Variants in TSHZ3 observed in about 807,000 individuals in gnomAD.
The protein encoded by TSHZ3 is teashirt homolog 3.
A neutral mutation model predicts 64.5 loss-of-function variants in TSHZ3; 10 were observed. The observed-to-expected ratio is 0.16, with a 90% CI of 0.10 to 0.26. TSHZ3 has a LOEUF of 0.26. TSHZ3 is among the 10% of genes least tolerant of loss of function. TSHZ3 has a pLI of 1.00. For missense variants in TSHZ3, 1,242 were observed against 1,421.7 expected, an observed-to-expected ratio of 0.87 and a Z score of 2.03; for synonymous variants, 608 against 593.1, an observed-to-expected ratio of 1.03 and a Z score of -0.36.
intron 1 of TSHZ3, among the ~76,000 whole-genome samples, chr19:31,310,579 A>C (rs1568377077): frequency 6.6e-6 from 1 of 152,138 alleles, no homozygotes. Context: ...CAGGCACAGA[A>C]TTCAGAATGA....
intron 1 of TSHZ3, among the ~76,000 whole-genome samples, chr19:31,261,271 C>T (rs1975980395): frequency 6.6e-6 from 1 of 152,196 alleles, no homozygotes; most frequent in South Asian, 2.1e-4. Flanking sequence ...AAAGGAGCAT[C>T]TTCAGAACTC....
chr19:31,199,490 T>C (rs1975044573), intron 5 of TSHZ3, among the ~76,000 whole-genome samples: 1 of 148,838 alleles, frequency 6.7e-6, no homozygotes, highest in Non-Finnish European at 1.5e-5. Flanking sequence ...TAATAAATAA[T>C]CTTTTCACAA....
chr19:31,154,992 C>A (rs1974287464), intron 6 of TSHZ3, among the ~76,000 whole-genome samples: 1 of 152,224 alleles, frequency 6.6e-6, no homozygotes, highest in South Asian at 2.1e-4. Context: ...AGGGGACACC[C>A]CTTGCCTCTG....
At chr19:31,226,164 C>G (rs565831193) in intron 4 of TSHZ3, among the ~76,000 whole-genome samples, 1 of 151,898 alleles carries the variant, frequency 6.6e-6, no homozygotes, top group Non-Finnish European at 1.5e-5. Flanking sequence ...ATGATGCTGT[C>G]CCCAATTCCT....
intron 1 of TSHZ3, among the ~76,000 whole-genome samples, chr19:31,248,630 A>AAAT (rs1306099045): frequency 6.6e-6 from 1 of 151,498 alleles, no homozygotes; most frequent in African/African-American, 2.4e-5. Context: ...AAAAAAAAAA[A>AAAT]AGTTTAAAAG....
At chr19:31,216,514 T>C (rs912484318) in intron 4 of TSHZ3, among the ~76,000 whole-genome samples, 7 of 151,608 alleles carry the variant, frequency 4.6e-5, no homozygotes, top group Non-Finnish European at 8.8e-5. Context: ...AGTGGTGCAA[T>C]CTCAGCTCAC....
intron 1 of TSHZ3, among the ~76,000 whole-genome samples, chr19:31,336,799 GAACTTTGTGTCAAGCCCTTCAAGCA>G (rs1917258386): frequency 6.6e-6 from 1 of 152,146 alleles, no homozygotes; most frequent in Non-Finnish European, 1.5e-5. Flanking sequence ...CAAAAAGTTA[GAACTTTGTGTCAAGCCCTTCAAGCA>G]AACAATAAAT....
rs190847098 is a variant in TSHZ3 at position 31,231,647 on chromosome 19, C to A, written n.551-3507G>T. On this transcript the variant is annotated intron_variant and non_coding_transcript_variant, in intron 3 of 6. Transcript: ENST00000651361. ...TGATTTATAAAACTTGCCTGTAAATCTTCCCAGCAAAGTTTTGATTCAGAA... is the reference window on the plus strand; with the variant it reads ...TGATTTATAAAACTTGCCTGTAAATATTCCCAGCAAAGTTTTGATTCAGAA... Among the ~76,000 whole-genome samples the A allele has an allele frequency of 1.4e-3, 213 of 152,254 alleles. 1 individual carries two copies. The highest frequency in any genetic ancestry group is 4.8e-3 in the African/African-American group (200 of 41,548).
At chr19:31,244,025 T>C (rs1323796768) in intron 1 of TSHZ3, among the ~76,000 whole-genome samples, 1 of 152,158 alleles carries the variant, frequency 6.6e-6, no homozygotes, top group African/African-American at 2.4e-5. Flanking sequence ...CATTTTTAGG[T>C]CTGTGTTCCA....
At chr19:31,284,484 G>C (rs972897947) in intron 1 of TSHZ3, among the ~76,000 whole-genome samples, 1 of 152,064 alleles carries the variant, frequency 6.6e-6, no homozygotes, top group African/African-American at 2.4e-5. Flanking sequence ...ATTCCTCAAA[G>C]CAGCCCTGAA....
chr19:31,319,520 C>A (rs1449726584), intron 1 of TSHZ3, among the ~76,000 whole-genome samples: 1 of 152,118 alleles, frequency 6.6e-6, no homozygotes, highest in Non-Finnish European at 1.5e-5. Flanking sequence ...CAAAACCCAG[C>A]CACAACCTGG....
chr19:31,320,929 CG>C lies in TSHZ3; in HGVS notation c.40+28250del, dbSNP rs1241859176. Among the ~76,000 whole-genome samples, 5 of 152,188 alleles carry C rather than the reference CG, an allele frequency of 3.3e-5. No individual in the cohort carries two copies. In the South Asian group the frequency reaches 1.0e-3, roughly 32 times the overall value. On this transcript the variant is annotated intron_variant, in intron 1 of 1. Transcript: ENST00000240587. ...GAAGGAGGCAGAATTCCCTTCCCTACGGGTCCTGCTGAGATGTTAGCAGGTG... is the reference window on the plus strand; with the variant it reads ...GAAGGAGGCAGAATTCCCTTCCCTACGGTCCTGCTGAGATGTTAGCAGGTG...
intron 5 of TSHZ3, among the ~76,000 whole-genome samples, chr19:31,161,021 AT>A (rs1409304073): frequency 4.6e-5 from 7 of 152,244 alleles, no homozygotes; most frequent in African/African-American, 1.7e-4. Flanking sequence ...ACAGCTCAAG[AT>A]TTCCTTACAT....
At chr19:31,341,625 T>TGACACA (rs1250570516) in intron 1 of TSHZ3, among the ~76,000 whole-genome samples, 6 of 131,226 alleles carry the variant, frequency 4.6e-5, no homozygotes, top group Admixed American at 8.3e-5. Context: ...TCTCTCTCTC[T>TGACACA]CTCTGACACA....
At position 31,278,325 on chromosome 19, in the gene TSHZ3, T is replaced by C. The variant is rs952095684; in HGVS notation, c.1468A>G (p.Lys490Glu). 5.6e-6 allele frequency: 9 copies of C among 1,614,104 alleles called. No individual in the cohort carries two copies. Among genetic ancestry groups the C allele is most frequent in the Non-Finnish European group, 6.8e-6 (8 of 1,180,054 alleles). ...VTDEKPKQKDKPGEEEEKCDI... is the reference protein window; with the variant it reads ...VTDEKPKQKDEPGEEEEKCDI... ...CACTTCTCCTCTTCTTCGCCAGGCT[T>C]GTCTTTTTGCTTAGGTTTCTCGTCA... The change falls in exon 2 of 2, where the codon AAG becomes GAG. Residue 490 changes from lysine to glutamate, a missense_variant. Coordinates refer to ENST00000240587, the MANE Select transcript of TSHZ3 (RefSeq NM_020856.4). This position sits in a 1 kb window ranked among gnomAD's most constrained non-coding sequence, Gnocchi z 4.7.
At position 31,251,636 on chromosome 19, in the gene TSHZ3, G is replaced by T. The variant is rs1975844241; in HGVS notation, n.64-8761C>A. On this transcript the variant is annotated intron_variant and non_coding_transcript_variant, in intron 1 of 6. Coordinates refer to the TSHZ3 transcript ENST00000651361. ...CGCCTCCCAACCCTGCCGTGATATG[G>T]GTTCCTGGAACCTTTGCATCTGTCC... 2.0e-5 allele frequency among the ~76,000 whole-genome samples: 3 copies of T among 152,184 alleles called. 1 individual carries two copies. In the South Asian group the frequency reaches 6.2e-4, roughly 32 times the overall value.
At position 31,280,746 on chromosome 19, in the gene TSHZ3, C is replaced by A. The variant is rs761976339; in HGVS notation, c.41-994G>T. Among the ~76,000 whole-genome samples the A allele has an allele frequency of 5.5e-4, 83 of 152,256 alleles. 1 individual carries two copies. Among genetic ancestry groups the A allele is most frequent in the Non-Finnish European group, 1.0e-3 (70 of 68,040 alleles). ...GTAACTGGGATGTAAATCCAGCATG[C>A]ATTCCCACGCAGGTGGAGGGCAGGC... is the stretch of plus-strand genomic sequence containing the variant. On this transcript the variant is annotated intron_variant, in intron 1 of 1. Transcript: ENST00000240587.
chr19:31,167,703 A>G (rs960730371), intron 5 of TSHZ3: 1 of 152,364 alleles, frequency 6.6e-6, no homozygotes, highest in Non-Finnish European at 1.5e-5. Context: ...TGTTAAAGAA[A>G]TACTTCATTG....
intron 1 of TSHZ3, among the ~76,000 whole-genome samples, chr19:31,261,737 C>T (rs1014715663): frequency 7.2e-5 from 11 of 152,180 alleles, no homozygotes; most frequent in South Asian, 6.2e-4. Context: ...TTACAGAAAC[C>T]GGGGGAGAGG....
Sources: gnomAD v4.1 joint callset for allele counts (sites outside exome capture counted in the v4.1 genomes callset) on GRCh38, gnomAD v4.1.1 for gene constraint, Gnocchi (gnomAD v3.1) non-coding constraint, MANE v1.5 for transcripts, NCBI Gene and HGNC (gene_info 2026-07-23, HGNC 2026-07-21) for gene names.